The following MIA2 variants were observed in gnomAD, a reference collection of about 807,000 sequenced individuals.
The protein encoded by MIA2 is MIA SH3 domain ER export factor 2.
Under a neutral mutation model 167.8 loss-of-function variants are expected in MIA2, and 127 were observed. The observed-to-expected ratio is 0.76, with a 90% CI of 0.66 to 0.88. The LOEUF (loss-of-function observed/expected upper bound fraction) is 0.88. MIA2 is among the 40% of genes least tolerant of loss of function. The pLI is 0.00. For missense variants in MIA2, 1,690 were observed against 1,624.7 expected, an observed-to-expected ratio of 1.04 and a Z score of -0.69; for synonymous variants, 552 against 541.9, an observed-to-expected ratio of 1.02 and a Z score of -0.26.
chr14:39,248,076 C>G lies in MIA2; in HGVS notation c.1502C>G (p.Ser501Cys). 1.9e-6 allele frequency: 3 copies of G among 1,564,836 alleles called. No individual in the cohort carries two copies. The highest frequency in any genetic ancestry group is 2.6e-6 in the Non-Finnish European group (3 of 1,163,140). The change falls in exon 4 of 29, where the codon TCC (serine) becomes TGC (cysteine). Residue 501 changes from serine to cysteine, a missense_variant. Ser to Cys is a moderately radical substitution (Grantham distance 112). Coordinates refer to ENST00000640607, the MANE Select transcript of MIA2 (RefSeq NM_001329214.4). Reference sequence around the variant, plus strand: ...GAAAATGAAGAAACTGGAGAATTTTCCATTGATAATTATCCCACAGATAAT... The same window carrying G: ...GAAAATGAAGAAACTGGAGAATTTTGCATTGATAATTATCCCACAGATAAT... The part of the protein sequence containing the change: ...VIENEETGEF[S>C]IDNYPTDNTK...
In MIA2 at chr14:39,266,936, G is replaced by C. The variant is rs1251048270; in HGVS notation, c.1888-9998G>C. 3 of 638,666 alleles carry C rather than the reference G, an allele frequency of 4.7e-6. No homozygotes were observed. The South Asian group carries it at 2.0e-4, about 42-fold the overall frequency. 39.6% of individuals were successfully genotyped at this position (638,666 alleles called of 1,614,324 possible). A position where few individuals can be genotyped will look rare whatever the true frequency, so the allele number is the denominator to read the frequency against. ...GCGGGTGCCCTTGGGACATAGCCCT[G>C]GTCTTTGGGGTTGTGCGGCTCACAC... On this transcript the variant is annotated intron_variant, in intron 6 of 28. Coordinates refer to ENST00000640607, the MANE Select transcript of MIA2 (RefSeq NM_001329214.4).
rs1239051902 is a variant in MIA2 at position 39,234,045 on chromosome 14, T to A, written c.-70T>A. On this transcript the variant is annotated 5_prime_UTR_variant, in exon 1 of 29. Transcript: ENST00000640607. ...GAAGAGAGTAGAATATCTCCAGTTTTGGCTGACATCTCTACAACCTGAACA... is the reference window on the plus strand; with the variant it reads ...GAAGAGAGTAGAATATCTCCAGTTTAGGCTGACATCTCTACAACCTGAACA... 1.1e-6 allele frequency: 1 copy of A among 889,184 alleles called. No homozygotes were observed. Among genetic ancestry groups the A allele is most frequent in the Admixed American group, 2.5e-5 (1 of 40,422 alleles). 55.1% of individuals were successfully genotyped at this position (889,184 alleles called of 1,614,324 possible).
chr14:39,310,610 A>G (rs1697227259), intron 18 of MIA2, among the ~76,000 whole-genome samples: 1 of 152,198 alleles, frequency 6.6e-6, no homozygotes, highest in Non-Finnish European at 1.5e-5. Flanking sequence ...GCAGTGATCT[A>G]GTATTTGCTA....
At chr14:39,290,701 C>G (rs2060619761) in intron 9 of MIA2, among the ~76,000 whole-genome samples, 1 of 152,160 alleles carries the variant, frequency 6.6e-6, no homozygotes, top group South Asian at 2.1e-4. Context: ...TTAGTACAAT[C>G]TTACCATTAG....
Position 39,288,468 on chromosome 14 carries a change from T to TTTG in MIA2, c.2131-2551_2131-2550insTTG, listed in dbSNP as rs1566748459. The stretch of plus-strand genomic sequence containing the variant: ...ATATATATATATATATATATATATA[T>TTTG]ATATATATTTTTTTTTTTTTTTTTG... On this transcript the variant is annotated intron_variant, in intron 9 of 28. Coordinates refer to ENST00000640607, the MANE Select transcript of MIA2 (RefSeq NM_001329214.4). 3.2e-3 allele frequency among the ~76,000 whole-genome samples: 141 copies of TTTG among 44,170 alleles called. 15 individuals carry two copies. The highest frequency in any genetic ancestry group is 3.8e-3 in the Non-Finnish European group (98 of 25,560). 29.0% of individuals were successfully genotyped at this position (44,170 alleles called of 152,430 possible). A position where few individuals can be genotyped will look rare whatever the true frequency, so the allele number is the denominator to read the frequency against.
intron 3 of MIA2, among the ~76,000 whole-genome samples, chr14:39,242,509 G>C (rs1302562573): frequency 6.6e-6 from 1 of 152,030 alleles, no homozygotes; most frequent in African/African-American, 2.4e-5. Flanking sequence ...TTTTAGTAGA[G>C]ATGGGGTTTC....
chr14:39,364,778 A>T, intron 23 of MIA2, among the ~76,000 whole-genome samples: 1 of 149,594 alleles, frequency 6.7e-6, no homozygotes, highest in African/African-American at 2.5e-5. Context: ...ATATTATCTC[A>T]TTGTCTCCTG....
Position 39,253,148 on chromosome 14 carries a change from C to T in MIA2, c.1864C>T (p.Pro622Ser). The stretch of plus-strand genomic sequence containing the variant: ...TGATTTCATGAATTCTGCATTTTCA[C>T]CAATTGTAATTCTTACAGAAAGGGT... ...VYDFMNSAFS[P>S]IVILTERVVA... The change falls in exon 6 of 29, where the codon CCA becomes TCA. Residue 622 changes from proline to serine, a missense_variant. Pro to Ser is a moderately conservative substitution (Grantham distance 74). Coordinates refer to ENST00000640607, the MANE Select transcript of MIA2 (RefSeq NM_001329214.4). 1 of 1,607,896 alleles carries T rather than the reference C, an allele frequency of 6.2e-7. No individual in the cohort carries two copies. The highest frequency in any genetic ancestry group is 8.5e-7 in the Non-Finnish European group (1 of 1,176,282).
chr14:39,377,951 A>G lies in MIA2; in HGVS notation c.2249-8934A>G, dbSNP rs563977201. ...GTTCCTGGGCCTGTCACCAAGTGACATTCTTTACTTACCACAGATCAGGAC... is the reference window on the plus strand; with the variant it reads ...GTTCCTGGGCCTGTCACCAAGTGACGTTCTTTACTTACCACAGATCAGGAC... On this transcript the variant is annotated intron_variant, in intron 23 of 23. Transcript: ENST00000341502. Among the ~76,000 whole-genome samples the G allele has an allele frequency of 2.3e-4, 35 of 152,338 alleles. 2 individuals carry two copies. In the East Asian group the frequency reaches 5.8e-3, roughly 25 times the overall value.
intron 3 of MIA2, 54 bp from the exon 4 acceptor site, chr14:39,246,857 A>G: frequency 9.8e-7 from 1 of 1,016,882 alleles, no homozygotes; most frequent in East Asian, 2.6e-5. Context: ...CTCAGGGAGA[A>G]ACAAGGAGCT....
chr14:39,286,804 C>G (rs928561414), intron 9 of MIA2, among the ~76,000 whole-genome samples: 1 of 150,998 alleles, frequency 6.6e-6, no homozygotes, highest in Non-Finnish European at 1.5e-5. Context: ...AGTGATTCTC[C>G]CACCTCAGCC....
intron 24 of MIA2, among the ~76,000 whole-genome samples, chr14:39,322,778 G>C (rs1285769901): frequency 6.6e-6 from 1 of 151,924 alleles, no homozygotes; most frequent in Non-Finnish European, 1.5e-5. Context: ...CTTAATTTGT[G>C]GCGAAATTCA....
intron 11 of MIA2, 104 bp downstream of exon 11, chr14:39,293,485 A>C: frequency 3.5e-6 from 3 of 848,242 alleles, no homozygotes; most frequent in Non-Finnish European, 3.6e-6. Context: ...TAAAAAATGT[A>C]AAGAATACAG....
At chr14:39,300,789 AC>A (rs961577573) in intron 14 of MIA2, among the ~76,000 whole-genome samples, 1 of 151,928 alleles carries the variant, frequency 6.6e-6, no homozygotes, top group African/African-American at 2.4e-5. Context: ...CACATTGTGC[AC>A]GTGTATCCCA....
Position 39,247,404 on chromosome 14 carries a change from A to G in MIA2, c.830A>G (p.Gln277Arg). The change falls in exon 4 of 29, where the codon CAG becomes CGG. Residue 277 changes from glutamine to arginine, a missense_variant. Transcript: ENST00000640607. ...LNNGEPQTEHQQESESEIDSV... is the reference protein window; with the variant it reads ...LNNGEPQTEHRQESESEIDSV... ...AATGGTGAGCCTCAAACAGAACATC[A>G]GCAAGAATCTGAATCAGAAATTGAT... 6.2e-7 allele frequency: 1 copy of G among 1,614,144 alleles called. No individual in the cohort carries two copies. Among genetic ancestry groups the G allele is most frequent in the Non-Finnish European group, 8.5e-7 (1 of 1,180,028 alleles).
chr14:39,353,156 C>A (rs2074435145), downstream of MIA2, among the ~76,000 whole-genome samples: 2 of 152,086 alleles, frequency 1.3e-5, no homozygotes, highest in Admixed American at 1.3e-4. Context: ...TTGGGGGTAT[C>A]CACCATCTTG....
chr14:39,259,722 TA>T (rs1226283860), intron 6 of MIA2, among the ~76,000 whole-genome samples: 6 of 105,418 alleles, frequency 5.7e-5, no homozygotes, highest in Admixed American at 2.0e-4. Context: ...TTTTTTTTTT[TA>T]AATACTTTAA....
chr14:39,361,479 C>T (rs1375293459), intron 23 of MIA2, among the ~76,000 whole-genome samples: 3 of 148,578 alleles, frequency 2.0e-5, no homozygotes. Context: ...GCTCTTGTTG[C>T]CCAAGCTGGA....
rs558783872 is a variant in MIA2, at chr14:39,313,757, C to T, written c.3119+316C>T. Among the ~76,000 whole-genome samples the T allele has an allele frequency of 7.2e-5, 11 of 152,052 alleles. No individual in the cohort carries two copies. In the South Asian group the frequency reaches 2.3e-3, roughly 32 times the overall value. Reference sequence around the variant, plus strand: ...ATGAATAGATATTAATTTTAAGGTCCTTCCTCATTGGTTCAAATTGAGAAG... The same window carrying T: ...ATGAATAGATATTAATTTTAAGGTCTTTCCTCATTGGTTCAAATTGAGAAG... On this transcript the variant is annotated intron_variant, in intron 19 of 28. Coordinates refer to ENST00000640607, the MANE Select transcript of MIA2 (RefSeq NM_001329214.4).
Sources: allele counts gnomAD v4.1 joint callset (sites outside exome capture counted in the v4.1 genomes callset), GRCh38; gene constraint gnomAD v4.1.1; transcripts MANE v1.5; gene names NCBI Gene and HGNC (gene_info 2026-07-23, HGNC 2026-07-21).